The following MYO10 variants were observed in gnomAD, a reference collection of about 807,000 sequenced individuals.
The protein encoded by MYO10 is myosin X.
A neutral mutation model predicts 257.3 loss-of-function variants in MYO10; 133 were observed. The ratio of observed to expected loss-of-function variants is 0.52; its 90% CI spans 0.45 to 0.60. The LOEUF (loss-of-function observed/expected upper bound fraction) is 0.60, where lower values mean the gene tolerates loss of function less well. MYO10 is among the 20% of genes least tolerant of loss of function. MYO10 has a pLI of 0.00. For synonymous variants in MYO10, 1,104 were observed against 1,028.6 expected, an observed-to-expected ratio of 1.07 and a Z score of -1.40; for missense variants, 2,399 against 2,635.7, an observed-to-expected ratio of 0.91 and a Z score of 1.97.
chr5:16,760,593 C>T (rs182435888), intron 17 of MYO10, among the ~76,000 whole-genome samples: 8 of 151,968 alleles, frequency 5.3e-5, no homozygotes, highest in Admixed American at 2.0e-4. Flanking sequence ...AATTCATGAA[C>T]GAATAAATGA....
At chr5:16,902,670 G>T in intron 1 of MYO10, 1 of 1,138,044 alleles carries the variant, frequency 8.8e-7, no homozygotes, top group Non-Finnish European at 1.3e-6. Context: ...AGAGAGGCCC[G>T]GCTAATTTTT....
chr5:16,804,018 T>C (rs1742197753), intron 3 of MYO10, among the ~76,000 whole-genome samples: 2 of 152,164 alleles, frequency 1.3e-5, no homozygotes, highest in Non-Finnish European at 2.9e-5. Context: ...GACAATAAGA[T>C]ATTGTCCCTA....
Position 16,704,572 on chromosome 5 carries a change from T to A in MYO10, c.2276+7A>T, listed in dbSNP as rs150359155. 6.2e-7 allele frequency: 1 copy of A among 1,612,778 alleles called. No homozygotes were observed. Among genetic ancestry groups the A allele is most frequent in the East Asian group, 2.2e-5 (1 of 44,818 alleles). ...CCTGCCTTATCCCCTCAGCGTGGGG[T>A]TCTTACCGTGCTAAGAAGCCCAAGA... On this transcript the variant is annotated splice_region_variant and intron_variant, in intron 22 of 40. Transcript: ENST00000513610.
At chr5:16,715,686 C>A (rs1738837907) in intron 19 of MYO10, among the ~76,000 whole-genome samples, 1 of 151,940 alleles carries the variant, frequency 6.6e-6, no homozygotes, top group African/African-American at 2.4e-5. Flanking sequence ...TTAAAACTCA[C>A]TGAATTGCAG....
chr5:16,699,953 C>G (rs1737967028), intron 25 of MYO10, among the ~76,000 whole-genome samples: 2 of 152,202 alleles, frequency 1.3e-5, no homozygotes, highest in South Asian at 4.1e-4. Context: ...TACTTGAATC[C>G]AAAGGCTATC....
At chr5:16,755,080 G>C (rs1342834214) in intron 18 of MYO10, among the ~76,000 whole-genome samples, 172 bp from the exon 19 acceptor site, 1 of 152,156 alleles carries the variant, frequency 6.6e-6, no homozygotes, top group Non-Finnish European at 1.5e-5. Flanking sequence ...TAAACATACT[G>C]AGTCAATGTA....
At position 16,766,654 on chromosome 5, in the gene MYO10, T is replaced by A. The variant is rs950084670; in HGVS notation, c.1061-456A>T. On this transcript the variant is annotated intron_variant, in intron 10 of 40. Transcript: ENST00000513610. ...ATCATGTTGGCCAGGATGGTCTCAA[T>A]CTGTTGACCTCCACGTTGGCCAGGA... 2.0e-5 allele frequency among the ~76,000 whole-genome samples: 3 copies of A among 152,016 alleles called. No individual in the cohort carries two copies. In the South Asian group the frequency reaches 6.2e-4, roughly 31 times the overall value.
At position 16,932,840 on chromosome 5, in the gene MYO10, G is replaced by C. The variant is rs549496754; in HGVS notation, c.21+2948C>G. On this transcript the variant is annotated intron_variant, in intron 1 of 40. Transcript: ENST00000513610. ...GGGTCTGTTGCTCTGGAGCGCAGCG[G>C]TGCAATCATGGTTCACTGCAGCCTG... Among the ~76,000 whole-genome samples, 8 of 152,260 alleles carry C rather than the reference G, an allele frequency of 5.3e-5. No individual in the cohort carries two copies. The South Asian group carries it at 1.7e-3, about 32-fold the overall frequency.
intron 28 of MYO10, among the ~76,000 whole-genome samples, chr5:16,687,026 ATAAAGGAAAACG>A (rs1737284002): frequency 6.6e-6 from 1 of 152,146 alleles, no homozygotes. Context: ...CAATCAGAAA[ATAAAGGAAAACG>A]TGTCTGGGCA....
At chr5:16,802,945 A>AG (rs1742164182) in intron 3 of MYO10, among the ~76,000 whole-genome samples, 1 of 151,246 alleles carries the variant, frequency 6.6e-6, no homozygotes, top group East Asian at 2.0e-4. Flanking sequence ...CTCTCAAAAA[A>AG]AAAAAAAAAT....
intron 4 of MYO10, 37 bp from the exon 5 acceptor site, chr5:16,783,506 A>G (rs1310522671): frequency 1.3e-5 from 20 of 1,583,442 alleles, no homozygotes; most frequent in Non-Finnish European, 1.5e-5. Context: ...GCTTCTAACT[A>G]TAATTTTTAA....
At chr5:16,668,607 G>A in intron 39 of MYO10, 139 bp from the exon 40 acceptor site, 1 of 590,958 alleles carries the variant, frequency 1.7e-6, no homozygotes, top group African/African-American at 1.9e-5. Flanking sequence ...TGCATGGAGG[G>A]GCCTGAAATA....
chr5:16,675,249 G>T, intron 34 of MYO10, 99 bp from the exon 35 acceptor site: 2 of 1,266,648 alleles, frequency 1.6e-6, no homozygotes, highest in Non-Finnish European at 2.2e-6. Context: ...TAAATGAGGA[G>T]GACGGATGCA....
intron 21 of MYO10, among the ~76,000 whole-genome samples, chr5:16,707,231 A>C (rs1218409291): frequency 1.4e-4 from 21 of 152,182 alleles, no homozygotes; most frequent in Admixed American, 1.4e-3. Context: ...TTTCTTTTAT[A>C]AATTACCCAG....
chr5:16,689,793 G>A (rs1364739908), intron 28 of MYO10, 31 bp downstream of exon 28: 1 of 1,532,822 alleles, frequency 6.5e-7, no homozygotes. Context: ...AGCAGGATGT[G>A]GGTAACACAA....
chr5:16,701,453 T>C lies in MYO10; in HGVS notation c.2942A>G (p.Asn981Ser), dbSNP rs374966807. 1.2e-6 allele frequency: 2 copies of C among 1,613,866 alleles called. No homozygotes were observed. The highest frequency in any genetic ancestry group is 1.7e-6 in the Non-Finnish European group (2 of 1,179,902). Residue 981 changes from asparagine to serine, a missense_variant, in exon 25 of 41, where the codon AAC (asparagine) becomes AGC (serine). Physicochemically the swap from Asn to Ser is conservative, Grantham distance 46 (BLOSUM62 1). Around this residue, in one of 3 missense-constraint regions of MYO10, gnomAD observed 1,820 missense variants for 1,939.4 expected, o/e 0.94. Coordinates refer to ENST00000513610, the MANE Select transcript of MYO10 (RefSeq NM_012334.3). This position sits in a 1 kb window ranked among gnomAD's most constrained non-coding sequence, Gnocchi z 8.1. ...LAESACEEKP[N>S]FNFSQPYPEE... Reference sequence around the variant, plus strand: ...TGGGTAGGGCTGGCTGAAGTTGAAGTTGGGCTTCTCCTCGCATGCGCTCTC... The same window carrying C: ...TGGGTAGGGCTGGCTGAAGTTGAAGCTGGGCTTCTCCTCGCATGCGCTCTC...
At chr5:16,718,078 G>A (rs903733217) in intron 19 of MYO10, among the ~76,000 whole-genome samples, 98 of 152,346 alleles carry the variant, frequency 6.4e-4, no homozygotes, top group African/African-American at 2.3e-3. Flanking sequence ...CCCGGGCAAT[G>A]GGGGACTTAG....
intron 38 of MYO10, 93 bp from the exon 39 acceptor site, chr5:16,671,071 C>G (rs1561166823): frequency 1.0e-5 from 12 of 1,173,096 alleles, no homozygotes; most frequent in Non-Finnish European, 1.2e-6. Context: ...GAGGGTTTCT[C>G]TCAAACTCAC....
chr5:16,755,720 C>CTT lies in MYO10; in HGVS notation c.1849-814_1849-813dup, dbSNP rs544255942. 7.9e-3 allele frequency among the ~76,000 whole-genome samples: 1,039 copies of CTT among 130,784 alleles called. 8 individuals are homozygous for CTT. Among genetic ancestry groups the CTT allele is most frequent in the Middle Eastern group, 0.017 (4 of 240 alleles). 85.8% of individuals were successfully genotyped at this position (130,784 alleles called of 152,430 possible). A position where few individuals can be genotyped will look rare whatever the true frequency, so the allele number is the denominator to read the frequency against. On this transcript the variant is annotated intron_variant, in intron 18 of 40. Transcript: ENST00000513610. ...TCTTTAATACTACTTTCTTTTCCAA[C>CTT]TTTTTTTTTTTTTTTTTTTTTAGAG...
Sources: gnomAD v4.1 joint callset for allele counts (sites outside exome capture counted in the v4.1 genomes callset) on GRCh38, gnomAD v4.1.1 for gene constraint, gnomAD v4.1.1 regional missense constraint, Gnocchi (gnomAD v3.1) non-coding constraint, MANE v1.5 for transcripts, NCBI Gene and HGNC (gene_info 2026-07-23, HGNC 2026-07-21) for gene names.